ELMOD2: variants seen among roughly 807,000 people sequenced by gnomAD.
The protein encoded by ELMOD2 is ELMO domain-containing protein 2.
ELMOD2 carries 28 observed loss-of-function variants against 41.0 expected under a neutral mutation model. The ratio of observed to expected loss-of-function variants is 0.68; its 90% CI spans 0.51 to 0.94. ELMOD2 has a LOEUF of 0.94. ELMOD2 is among the 40% of genes least tolerant of loss of function. The pLI, the probability that ELMOD2 is intolerant of heterozygous loss-of-function variation, is 0.00. For synonymous variants in ELMOD2, 106 were observed against 107.2 expected (o/e 0.99, Z 0.07); for missense variants, 333 against 343.1 (o/e 0.97, Z 0.23).
intron 3 of ELMOD2, chr4:140,535,474 G>T: frequency 3.0e-6 from 1 of 329,292 alleles, no homozygotes; most frequent in Non-Finnish European, 5.4e-6. Context: ...CATTTGCTGA[G>T]AACTCATCAG....
intron 3 of ELMOD2, among the ~76,000 whole-genome samples, chr4:140,530,030 A>C (rs953328514): frequency 6.6e-6 from 1 of 152,196 alleles, no homozygotes; most frequent in Non-Finnish European, 1.5e-5. Context: ...GAGTGAATGA[A>C]TGAATAAGTG....
intron 8 of ELMOD2, among the ~76,000 whole-genome samples, chr4:140,549,584 C>T (rs949716463): frequency 1.4e-5 from 2 of 146,870 alleles, no homozygotes; most frequent in African/African-American, 5.0e-5. Context: ...CTTTCCTACA[C>T]TTTAACCTTA....
intron 6 of ELMOD2, among the ~76,000 whole-genome samples, chr4:140,541,013 TGG>T (rs1378672336): frequency 6.6e-6 from 1 of 152,246 alleles, no homozygotes. Context: ...ATTCCTGACT[TGG>T]TATAGACTAC....
intron 3 of ELMOD2, among the ~76,000 whole-genome samples, chr4:140,531,166 T>C (rs1488738864): frequency 6.6e-6 from 1 of 152,178 alleles, no homozygotes; most frequent in Non-Finnish European, 1.5e-5. Context: ...GCATTACCAA[T>C]GATTGCTGTG....
chr4:140,525,386 C>T (rs771484912), intron 1 of ELMOD2, 34 bp from the exon 2 acceptor site: 24 of 1,594,694 alleles, frequency 1.5e-5, no homozygotes, highest in Non-Finnish European at 2.0e-5. Flanking sequence ...AGTTTAAGGT[C>T]ATTAAGCTTG....
intron 2 of ELMOD2, 125 bp downstream of exon 2, chr4:140,525,695 C>T: frequency 9.5e-7 from 1 of 1,056,478 alleles, no homozygotes; most frequent in Non-Finnish European, 1.3e-6. Flanking sequence ...TTCATAAGCT[C>T]TGAAGTCCCG....
At chr4:140,544,572 C>G (rs1230220279) in intron 8 of ELMOD2, among the ~76,000 whole-genome samples, 1 of 152,068 alleles carries the variant, frequency 6.6e-6, no homozygotes, top group Non-Finnish European at 1.5e-5. Flanking sequence ...AAAAATTATT[C>G]AAAGGATTCC....
chr4:140,550,101 T>C lies in ELMOD2; in HGVS notation c.737-129T>C. Reference sequence around the variant, plus strand: ...AAGTCCCTCAGGCTTCTAATAGTTTTGAGATTACTTTTGATTATTGTATTC... The same window carrying C: ...AAGTCCCTCAGGCTTCTAATAGTTTCGAGATTACTTTTGATTATTGTATTC... On this transcript the variant is annotated intron_variant, in intron 8 of 8. Transcript: ENST00000323570. 1.0e-5 allele frequency: 8 copies of C among 764,988 alleles called. No individual in the cohort carries two copies. In the South Asian group the frequency reaches 1.4e-4, roughly 13 times the overall value. The allele number at this position is 764,988 out of a possible 1,614,324, so 47.4% of individuals were successfully genotyped here. A position where few individuals can be genotyped will look rare whatever the true frequency, so the allele number is the denominator to read the frequency against.
rs754515295 is a variant in ELMOD2, at chr4:140,543,530, A to G, written c.680A>G (p.His227Arg). The change falls in exon 8 of 9, where the codon CAT becomes CGT. Residue 227 changes from histidine to arginine, a missense_variant. Transcript: ENST00000323570. Reference sequence around the variant, plus strand: ...CTGAAGAGTGAAGCTTTGAAGTTTCATCTCTATAACCTTGTTCCTGGTATA... The same window carrying G: ...CTGAAGAGTGAAGCTTTGAAGTTTCGTCTCTATAACCTTGTTCCTGGTATA... Reference protein sequence around the residue: ...SLLKSEALKFHLYNLVPGIPT... With the variant: ...SLLKSEALKFRLYNLVPGIPT... 2.2e-5 allele frequency: 35 copies of G among 1,607,028 alleles called. No individual in the cohort carries two copies. The highest frequency in any genetic ancestry group is 2.7e-5 in the Non-Finnish European group (32 of 1,178,004).
At chr4:140,539,979 A>G (rs1578768238) in intron 5 of ELMOD2, among the ~76,000 whole-genome samples, 189 bp from the exon 6 acceptor site, 1 of 152,264 alleles carries the variant, frequency 6.6e-6, no homozygotes, top group East Asian at 1.9e-4. Context: ...TTATCTTTTC[A>G]AAATCTGTTC....
chr4:140,542,530 T>C, intron 6 of ELMOD2, 44 bp from the exon 7 acceptor site: 1 of 1,437,840 alleles, frequency 7.0e-7, no homozygotes. Flanking sequence ...ATCTTACATT[T>C]GAATGGCGTA....
intron 4 of ELMOD2, among the ~76,000 whole-genome samples, chr4:140,536,731 A>G (rs1734939776): frequency 6.6e-6 from 1 of 152,160 alleles, no homozygotes; most frequent in Admixed American, 6.5e-5. Flanking sequence ...TTTTAGGAAG[A>G]TGGAGAGTAG....
chr4:140,539,399 T>C (rs113559231), intron 5 of ELMOD2, among the ~76,000 whole-genome samples: 29,278 of 151,502 alleles, frequency 0.19, 2,918 homozygotes, highest in Admixed American at 0.26. Context: ...TCTTGCTCTG[T>C]CGCCCAGGCT....
chr4:140,526,862 G>A (rs946481476), intron 2 of ELMOD2: 2 of 152,344 alleles, frequency 1.3e-5, no homozygotes, highest in Admixed American at 6.5e-5. Context: ...TGTGGCAAAA[G>A]CATTTTTCCT....
At chr4:140,536,911 T>C (rs950492461) in intron 4 of ELMOD2, among the ~76,000 whole-genome samples, 2 of 152,116 alleles carry the variant, frequency 1.3e-5, no homozygotes, top group South Asian at 2.1e-4. Flanking sequence ...TTTTGATACA[T>C]TGTGATGGAG....
chr4:140,543,556 C>A lies in ELMOD2; in HGVS notation c.706C>A (p.Pro236Thr). 1 of 1,600,770 alleles carries A rather than the reference C, an allele frequency of 6.2e-7. No individual in the cohort carries two copies. Among genetic ancestry groups the A allele is most frequent in the Non-Finnish European group, 8.5e-7 (1 of 1,176,246 alleles). Residue 236 changes from proline (P) to threonine (T), a missense_variant, in exon 8 of 9, where the codon CCA becomes ACA. Coordinates refer to ENST00000323570, the MANE Select transcript of ELMOD2 (RefSeq NM_153702.4). ...TCTCTATAACCTTGTTCCTGGTATA[C>A]CAACAATGGAACACTTTCATCAGTT... ...FHLYNLVPGI[P>T]TMEHFHQFYC...
chr4:140,536,003 G>C lies in ELMOD2; in HGVS notation c.269+173G>C, dbSNP rs183377232. 2.7e-3 allele frequency among the ~76,000 whole-genome samples: 404 copies of C among 152,216 alleles called. 2 individuals are homozygous for C. Among genetic ancestry groups the C allele is most frequent in the African/African-American group, 9.1e-3 (378 of 41,540 alleles). On this transcript the variant is annotated intron_variant, in intron 4 of 8. Coordinates refer to ENST00000323570, the MANE Select transcript of ELMOD2 (RefSeq NM_153702.4). ...ATCCAGAGAGGGCAGTGATAGAATC[G>C]GGACTAGAACCTGTATCTCTTGGTT...
At chr4:140,547,811 A>G (rs1459502738) in intron 8 of ELMOD2, among the ~76,000 whole-genome samples, 1 of 152,168 alleles carries the variant, frequency 6.6e-6, no homozygotes, top group Admixed American at 6.6e-5. Context: ...TAGACATTTC[A>G]TATGGTAATT....
chr4:140,527,484 C>T lies in ELMOD2; in HGVS notation c.161C>T (p.Ser54Phe), dbSNP rs1478318785. 2.6e-6 allele frequency: 4 copies of T among 1,568,288 alleles called. No individual in the cohort carries two copies. The highest frequency in any genetic ancestry group is 2.3e-5 in the East Asian group (1 of 43,656). ...THRIENSLTY[S>F]KNKVLQKATH... ...ATTTCAGAAAATTCCTTGACATACTCCAAGAATAAGGTAGGATAACATAAA... is the reference window on the plus strand; with the variant it reads ...ATTTCAGAAAATTCCTTGACATACTTCAAGAATAAGGTAGGATAACATAAA... The change falls in exon 3 of 9, where the codon TCC becomes TTC. Residue 54 changes from serine to phenylalanine, a missense_variant. Coordinates refer to ENST00000323570, the MANE Select transcript of ELMOD2 (RefSeq NM_153702.4).
Sources: gnomAD v4.1 joint callset for allele counts (sites outside exome capture counted in the v4.1 genomes callset) on GRCh38, gnomAD v4.1.1 for gene constraint, MANE v1.5 for transcripts, NCBI Gene and HGNC (gene_info 2026-07-23, HGNC 2026-07-21) for gene names.